The following OLFM2 variants were observed in gnomAD, a reference collection of about 807,000 sequenced individuals.
OLFM2 encodes noelin-2.
In OLFM2, 20 loss-of-function variants were observed where a neutral mutation model predicts 43.9. The observed-to-expected ratio is 0.46, with a 90% confidence interval of 0.32 to 0.66. The LOEUF (loss-of-function observed/expected upper bound fraction) is 0.66, where lower values mean the gene tolerates loss of function less well. Among genes scored for constraint, OLFM2 ranks in the 30% least tolerant of loss-of-function variants. The pLI, the probability that OLFM2 is intolerant of heterozygous loss-of-function variation, is 0.04. For missense variants in OLFM2, 416 were observed against 643.6 expected, an observed-to-expected ratio of 0.65 and a Z score of 3.83; for synonymous variants, 268 against 278.6, an observed-to-expected ratio of 0.96 and a Z score of 0.38.
rs71188848 is a variant in OLFM2 at position 9,873,796 on chromosome 19, ATTTTTTTTTTTTTTTTTTT to A, written c.64-13021_64-13003del. ...CGATGTACACTATCATGCCCAGCTA[ATTTTTTTTTTTTTTTTTTT>A]TTTTTTTTTTTTTTTTGTAGAGACA... On this transcript the variant is annotated intron_variant, in intron 1 of 5. Transcript: ENST00000264833. 4.0e-4 allele frequency among the ~76,000 whole-genome samples: 28 copies of A among 70,482 alleles called. 1 individual carries two copies. Among genetic ancestry groups the A allele is most frequent in the African/African-American group, 1.1e-3 (17 of 15,632 alleles). The allele number at this position is 70,482 out of a possible 152,430, so 46.2% of individuals were successfully genotyped here.
rs145271267 is a variant in OLFM2, at chr19:9,860,661, C to T, written c.197G>A (p.Arg66Gln). Residue 66 changes from arginine (R) to glutamine (Q), a missense_variant, in exon 2 of 6, where the codon CGG (arginine) becomes CAG (glutamine). Physicochemically the swap from Arg to Gln is conservative, Grantham distance 43. Transcript: ENST00000264833. Reference sequence around the variant, plus strand: ...GGTTCTCACCTTCTCCATCAGTTGCCGCAGCTCCCGACTCCTGCCATCTCG... The same window carrying T: ...GGTTCTCACCTTCTCCATCAGTTGCTGCAGCTCCCGACTCCTGCCATCTCG... ...CSRDGRSREL[R>Q]QLMEKVQNVS... 12 of 1,589,328 alleles carry T rather than the reference C, an allele frequency of 7.6e-6. No individual in the cohort carries two copies. Among genetic ancestry groups the T allele is most frequent in the African/African-American group, 2.7e-5 (2 of 74,474 alleles).
At chr19:9,896,091 A>ATTTTT (rs71188854) in intron 1 of OLFM2, among the ~76,000 whole-genome samples, 17 of 95,786 alleles carry the variant, frequency 1.8e-4, no homozygotes, top group South Asian at 3.6e-4. Flanking sequence ...CTTTATTTTA[A>ATTTTT]TTTTTTTTTT....
At chr19:9,870,037 C>A (rs2046430507) in intron 1 of OLFM2, among the ~76,000 whole-genome samples, 3 of 152,146 alleles carry the variant, frequency 2.0e-5, no homozygotes, top group African/African-American at 7.2e-5. Flanking sequence ...GGATTACAGG[C>A]ATGCACCACT....
In OLFM2 at chr19:9,913,797, C is replaced by A. The variant is rs555299024; in HGVS notation, c.63+22507G>T. On this transcript the variant is annotated intron_variant, in intron 1 of 5. Transcript: ENST00000264833. ...AGGGGGGGCTCGGGGACGCGGGCTGCGGCTCGGCGCGCCTGGCGGGCTCCT... is the reference window on the plus strand; with the variant it reads ...AGGGGGGGCTCGGGGACGCGGGCTGAGGCTCGGCGCGCCTGGCGGGCTCCT... 172 of 468,582 alleles carry A rather than the reference C, an allele frequency of 3.7e-4. 1 individual carries two copies. The East Asian group carries it at 0.021, about 56-fold the overall frequency. 29.0% of individuals were successfully genotyped at this position (468,582 alleles called of 1,614,324 possible). A position where few individuals can be genotyped will look rare whatever the true frequency, so the allele number is the denominator to read the frequency against.
rs145597540 is a variant in OLFM2 at position 9,871,068 on chromosome 19, G to A, written c.64-10274C>T. Among the ~76,000 whole-genome samples the A allele has an allele frequency of 7.9e-5, 12 of 151,982 alleles. No individual in the cohort carries two copies. The East Asian group carries it at 1.6e-3, about 20-fold the overall frequency. On this transcript the variant is annotated intron_variant, in intron 1 of 5. Coordinates refer to ENST00000264833, the MANE Select transcript of OLFM2 (RefSeq NM_058164.4). ...GCAGATCACTCTAGGTCAGGAGTTCGAGACCAGCCTGGCCAACATGGTGAA... is the reference window on the plus strand; with the variant it reads ...GCAGATCACTCTAGGTCAGGAGTTCAAGACCAGCCTGGCCAACATGGTGAA...
intron 1 of OLFM2, among the ~76,000 whole-genome samples, chr19:9,902,674 G>C (rs1415983314): frequency 6.6e-6 from 1 of 151,158 alleles, no homozygotes; most frequent in Non-Finnish European, 1.5e-5. Flanking sequence ...TGAGAGCCCA[G>C]GAGTTCAAGA....
intron 1 of OLFM2, among the ~76,000 whole-genome samples, chr19:9,889,369 C>T (rs1287166690): frequency 6.6e-6 from 1 of 152,154 alleles, no homozygotes; most frequent in Non-Finnish European, 1.5e-5. Flanking sequence ...CCACCTCAGC[C>T]TCCCAAGTAG....
chr19:9,935,284 C>G (rs2086508552), intron 1 of OLFM2, among the ~76,000 whole-genome samples: 1 of 152,160 alleles, frequency 6.6e-6, no homozygotes, highest in Non-Finnish European at 1.5e-5. Flanking sequence ...CCCAGCTTCC[C>G]TGTGAACTCC....
At position 9,856,886 on chromosome 19, in the gene OLFM2, T is replaced by C. The variant is rs1470799901; in HGVS notation, c.608A>G (p.Asn203Ser). ...CCCCATGGCCCGAACGGTGATGGGG[T>C]TACTGACCCCGGTCAGCTTCCCACA... ...LGCGKLTGVS[N>S]PITVRAMGSR... Residue 203 changes from asparagine (N) to serine (S), a missense_variant, in exon 5 of 6, where the codon AAC (asparagine) becomes AGC (serine). Asn to Ser is a conservative substitution (Grantham distance 46). Coordinates refer to ENST00000264833, the MANE Select transcript of OLFM2 (RefSeq NM_058164.4). The surrounding 1 kb of genome is among the most constrained non-coding windows in gnomAD (Gnocchi z 4.0). 1 of 1,611,986 alleles carries C rather than the reference T, an allele frequency of 6.2e-7. No homozygotes were observed. Among genetic ancestry groups the C allele is most frequent in the Non-Finnish European group, 8.5e-7 (1 of 1,179,208 alleles).
At chr19:9,864,819 GAT>G (rs2046388174) in intron 1 of OLFM2, among the ~76,000 whole-genome samples, 1 of 129,340 alleles carries the variant, frequency 7.7e-6, no homozygotes, top group African/African-American at 2.9e-5. Flanking sequence ...CTTTTGTAGA[GAT>G]AGTCTTGCTT....
At chr19:9,862,745 C>G (rs2046373197) in intron 1 of OLFM2, among the ~76,000 whole-genome samples, 1 of 151,942 alleles carries the variant, frequency 6.6e-6, no homozygotes, top group African/African-American at 2.4e-5. Context: ...GAAGTGGAGG[C>G]AGGTGGATCA....
chr19:9,901,357 C>A (rs1160300371), intron 1 of OLFM2, among the ~76,000 whole-genome samples: 1 of 152,004 alleles, frequency 6.6e-6, no homozygotes, highest in African/African-American at 2.4e-5. Flanking sequence ...GCCTGGAAGG[C>A]AGAGGTTGCA....
rs1260206467 is a variant in OLFM2, at chr19:9,865,530, C to T, written c.64-4736G>A. ...TTTTTGAGAGGGAGTCTTGCTCTGTCGCCCAGGCTGGAGTGCAATGGCGGG... is the reference window on the plus strand; with the variant it reads ...TTTTTGAGAGGGAGTCTTGCTCTGTTGCCCAGGCTGGAGTGCAATGGCGGG... On this transcript the variant is annotated intron_variant, in intron 1 of 5. Coordinates refer to ENST00000264833, the MANE Select transcript of OLFM2 (RefSeq NM_058164.4). 1.9e-4 allele frequency among the ~76,000 whole-genome samples: 21 copies of T among 110,736 alleles called. No homozygotes were observed. The South Asian group carries it at 4.7e-3, about 25-fold the overall frequency. 72.6% of individuals were successfully genotyped at this position (110,736 alleles called of 152,430 possible). A position where few individuals can be genotyped will look rare whatever the true frequency, so the allele number is the denominator to read the frequency against.
chr19:9,859,850 G>T (rs995366503), intron 2 of OLFM2, among the ~76,000 whole-genome samples: 5 of 152,086 alleles, frequency 3.3e-5, no homozygotes, highest in African/African-American at 1.2e-4. Context: ...TCCCAAAAAA[G>T]CATTGAACAG....
At chr19:9,873,215 G>A (rs575739840) in intron 1 of OLFM2, among the ~76,000 whole-genome samples, 11 of 152,038 alleles carry the variant, frequency 7.2e-5, no homozygotes, top group South Asian at 4.2e-4. Context: ...TAATCACGGC[G>A]CGATCACTGC....
At chr19:9,881,099 T>C (rs915818134) in intron 1 of OLFM2, among the ~76,000 whole-genome samples, 7 of 152,208 alleles carry the variant, frequency 4.6e-5, no homozygotes, top group African/African-American at 1.7e-4. Context: ...GGTTTTGCCA[T>C]GTTGGCCAGC....
At chr19:9,886,804 C>T (rs1170530533) in intron 1 of OLFM2, among the ~76,000 whole-genome samples, 1 of 152,156 alleles carries the variant, frequency 6.6e-6, no homozygotes. Context: ...CCTGCCTCAG[C>T]CTCCCAAGTA....
intron 1 of OLFM2, among the ~76,000 whole-genome samples, chr19:9,924,103 CAA>C (rs1047796253): frequency 0.15 from 3,058 of 20,266 alleles, 21 homozygotes; most frequent in African/African-American, 0.33. Context: ...CTCGTCTCTA[CAA>C]AAAAAAAAAA....
chr19:9,921,778 C>T (rs1453467526), intron 1 of OLFM2, among the ~76,000 whole-genome samples: 1 of 152,146 alleles, frequency 6.6e-6, no homozygotes, highest in Non-Finnish European at 1.5e-5. Context: ...AGCCACCACA[C>T]CCAGCCTGAA....
Sources: allele counts gnomAD v4.1 joint callset (sites outside exome capture counted in the v4.1 genomes callset), GRCh38; gene constraint gnomAD v4.1.1; non-coding constraint Gnocchi (gnomAD v3.1); transcripts MANE v1.5; gene names NCBI Gene and HGNC (gene_info 2026-07-23, HGNC 2026-07-21).